The following ADCY9 variants were observed in gnomAD, a reference collection of about 807,000 sequenced individuals.
The protein encoded by ADCY9 is adenylate cyclase type 9.
Under a neutral mutation model 101.5 loss-of-function variants are expected in ADCY9, and 50 were observed. That is an observed-to-expected ratio of 0.49 (90% CI 0.39 to 0.62). ADCY9 has a LOEUF of 0.62. ADCY9 is among the 20% of genes least tolerant of loss of function. The pLI, the probability that ADCY9 is intolerant of heterozygous loss-of-function variation, is 0.00. For synonymous variants in ADCY9, 905 were observed against 769.3 expected, an observed-to-expected ratio of 1.18 and a Z score of -2.92; for missense variants, 1,662 against 1,800.4, an observed-to-expected ratio of 0.92 and a Z score of 1.39.
At chr16:3,980,513 C>A (rs188157907) in intron 7 of ADCY9, among the ~76,000 whole-genome samples, 1 of 152,212 alleles carries the variant, frequency 6.6e-6, no homozygotes, top group African/African-American at 2.4e-5. Context: ...GGGCGGGGGC[C>A]GCTGTTGTGA....
At chr16:4,040,566 C>T (rs1178408277) in intron 2 of ADCY9, among the ~76,000 whole-genome samples, 11 of 152,012 alleles carry the variant, frequency 7.2e-5, no homozygotes, top group African/African-American at 2.4e-4. Flanking sequence ...ATGCGATCCT[C>T]CCACTTCGGC....
At chr16:4,033,515 C>G (rs551290022) in intron 2 of ADCY9, among the ~76,000 whole-genome samples, 113 of 149,576 alleles carry the variant, frequency 7.6e-4, no homozygotes, top group African/African-American at 2.7e-3. Context: ...CTCACTGCAA[C>G]TTCCACCACC....
At chr16:4,016,088 A>T (rs1181775199) in intron 2 of ADCY9, among the ~76,000 whole-genome samples, 3 of 152,234 alleles carry the variant, frequency 2.0e-5, no homozygotes, top group African/African-American at 7.2e-5. Flanking sequence ...AAAAAGGGAA[A>T]GACGGTGCTT....
intron 5 of ADCY9, among the ~76,000 whole-genome samples, chr16:3,954,911 C>T (rs2055899756): frequency 6.6e-6 from 1 of 152,132 alleles, no homozygotes; most frequent in South Asian, 2.1e-4. Flanking sequence ...GCCTACATGT[C>T]ATGCCACAAA....
At chr16:4,036,315 CTG>C (rs2056589113) in intron 2 of ADCY9, among the ~76,000 whole-genome samples, 1 of 151,976 alleles carries the variant, frequency 6.6e-6, no homozygotes, top group African/African-American at 2.4e-5. Flanking sequence ...CTTTGAAAGT[CTG>C]TATTCAACAC....
At position 4,114,956 on chromosome 16, in the gene ADCY9, T is replaced by A; in HGVS notation, c.487A>T (p.Thr163Ser). Residue 163 changes from threonine to serine, a missense_variant, in exon 2 of 11, where the codon ACC (threonine) becomes TCC (serine). Physicochemically the swap from Thr to Ser is moderately conservative, Grantham distance 58. Coordinates refer to ENST00000294016, the MANE Select transcript of ADCY9 (RefSeq NM_001116.4). The surrounding 1 kb of genome is among the most constrained non-coding windows in gnomAD (Gnocchi z 4.3). ...LLVCVGFFLF[T>S]FTKLYARHYA... is the part of the protein sequence containing the mutation. ...TGCCGGGCGTACAGCTTGGTGAAGG[T>A]AAACAGAAAGAAGCCCACACACACC... 1 of 1,613,820 alleles carries A rather than the reference T, an allele frequency of 6.2e-7. No individual in the cohort carries two copies. Among genetic ancestry groups the A allele is most frequent in the Non-Finnish European group, 8.5e-7 (1 of 1,179,984 alleles).
At chr16:4,029,671 GGA>G (rs1214451863) in intron 2 of ADCY9, among the ~76,000 whole-genome samples, 1 of 152,174 alleles carries the variant, frequency 6.6e-6, no homozygotes, top group Non-Finnish European at 1.5e-5. Flanking sequence ...GTTGAACCCG[GGA>G]GGTGGAGGTT....
At chr16:4,030,354 G>A (rs1375728429) in intron 2 of ADCY9, among the ~76,000 whole-genome samples, 1 of 152,018 alleles carries the variant, frequency 6.6e-6, no homozygotes, top group Non-Finnish European at 1.5e-5. Context: ...TAAGCAACAG[G>A]CAACAGGAAT....
Position 4,057,038 on chromosome 16 carries a change from GCCCC to G in ADCY9, c.1694-49484_1694-49481del, listed in dbSNP as rs375745334. ...TCAGGTAACCTGTACTGATGAAACC[GCCCC>G]CCCCCCCCCCGCCAATCTTACTCTT... On this transcript the variant is annotated intron_variant, in intron 2 of 10. Coordinates refer to ENST00000294016, the MANE Select transcript of ADCY9 (RefSeq NM_001116.4). 4.9e-4 allele frequency among the ~76,000 whole-genome samples: 41 copies of G among 83,560 alleles called. 1 individual carries two copies. The highest frequency in any genetic ancestry group is 7.0e-3 in the Middle Eastern group (1 of 142). The allele number at this position is 83,560 out of a possible 152,430, so 54.8% of individuals were successfully genotyped here.
intron 2 of ADCY9, among the ~76,000 whole-genome samples, chr16:4,041,500 TAAA>T: frequency 1.3e-5 from 1 of 75,034 alleles, no homozygotes; most frequent in Admixed American, 1.7e-4. Flanking sequence ...GGCCCCGTAT[TAAA>T]ACCAAAAAAA....
At chr16:4,013,912 T>G (rs988607109) in intron 2 of ADCY9, among the ~76,000 whole-genome samples, 1 of 152,232 alleles carries the variant, frequency 6.6e-6, no homozygotes, top group African/African-American at 2.4e-5. Context: ...CCTACTCATA[T>G]GCACCATAAA....
At chr16:4,074,716 C>CAAAAAAAAAAAAAA (rs55742993) in intron 2 of ADCY9, among the ~76,000 whole-genome samples, 1 of 100,428 alleles carries the variant, frequency 1.0e-5, no homozygotes, top group Non-Finnish European at 2.0e-5. Flanking sequence ...TACCCAGTGG[C>CAAAAAAAAAAAAAA]AAAAAAAAAA....
At chr16:4,000,968 T>TACACAC (rs141254290) in intron 3 of ADCY9, among the ~76,000 whole-genome samples, 18,802 of 125,120 alleles carry the variant, frequency 0.15, 1,726 homozygotes, top group Admixed American at 0.25. Context: ...TCCCTCTCTC[T>TACACAC]ACACACACAC....
chr16:4,112,616 A>G (rs768933165), intron 2 of ADCY9, among the ~76,000 whole-genome samples: 7 of 151,758 alleles, frequency 4.6e-5, no homozygotes, highest in Admixed American at 1.3e-4. Context: ...TGGAACTATT[A>G]ATTACTTCTT....
chr16:4,002,685 G>A (rs2056339216), intron 3 of ADCY9, among the ~76,000 whole-genome samples: 1 of 152,226 alleles, frequency 6.6e-6, no homozygotes, highest in Non-Finnish European at 1.5e-5. Context: ...TCCCTGATCA[G>A]AAGTAATGTG....
intron 2 of ADCY9, among the ~76,000 whole-genome samples, chr16:4,034,753 C>T (rs1444414608): frequency 6.6e-6 from 1 of 152,108 alleles, no homozygotes; most frequent in Non-Finnish European, 1.5e-5. Flanking sequence ...AGTGGTTATC[C>T]GTTGGCACCC....
At chr16:4,106,348 C>A (rs1175585525) in intron 2 of ADCY9, among the ~76,000 whole-genome samples, 1 of 152,168 alleles carries the variant, frequency 6.6e-6, no homozygotes, top group Non-Finnish European at 1.5e-5. Context: ...GCCCACACCA[C>A]GGATGGCGGC....
chr16:3,956,175 C>T (rs936184791), intron 5 of ADCY9, among the ~76,000 whole-genome samples: 1 of 152,148 alleles, frequency 6.6e-6, no homozygotes, highest in African/African-American at 2.4e-5. Context: ...GCTGGGATTA[C>T]AGGAATGAGC....
intron 9 of ADCY9, among the ~76,000 whole-genome samples, chr16:3,974,933 CCT>C: frequency 6.6e-6 from 1 of 152,270 alleles, no homozygotes; most frequent in South Asian, 2.1e-4. Flanking sequence ...CATCCCGCAT[CCT>C]CTCTATCCTG....
Sources: allele counts gnomAD v4.1 joint callset (sites outside exome capture counted in the v4.1 genomes callset), GRCh38; gene constraint gnomAD v4.1.1; non-coding constraint Gnocchi (gnomAD v3.1); transcripts MANE v1.5; gene names NCBI Gene and HGNC (gene_info 2026-07-23, HGNC 2026-07-21).